LGR6: variants seen among roughly 807,000 people sequenced by gnomAD.
LGR6 encodes leucine-rich repeat-containing G protein-coupled receptor 6.
In LGR6, 45 loss-of-function variants were observed where a neutral mutation model predicts 69.4. The ratio of observed to expected loss-of-function variants is 0.65; its 90% CI spans 0.51 to 0.83. The LOEUF (loss-of-function observed/expected upper bound fraction) is 0.83, where lower values mean the gene tolerates loss of function less well. Among genes scored for constraint, LGR6 ranks in the 40% least tolerant of loss-of-function variants. The pLI is 0.00. For synonymous variants in LGR6, 538 were observed against 555.0 expected (o/e 0.97, Z 0.43); for missense variants, 1,108 against 1,246.7 (o/e 0.89, Z 1.68).
rs567166620 is a variant in LGR6, at chr1:202,273,104, G to A, written c.429-3202G>A. ...GCAGCTTACTAGTTGTGGGGCCTTG[G>A]GGGGCTTAATCTCTCTGTAAAATGG... On this transcript the variant is annotated intron_variant, in intron 4 of 17. Coordinates refer to ENST00000367278, the MANE Select transcript of LGR6 (RefSeq NM_001017403.2). Among the ~76,000 whole-genome samples, 17 of 152,312 alleles carry A rather than the reference G, an allele frequency of 1.1e-4. No individual in the cohort carries two copies. The East Asian group carries it at 3.3e-3, about 29-fold the overall frequency.
rs549222334 is a variant in LGR6 at position 202,283,252 on chromosome 1, C to T, written c.716+2400C>T. 6.6e-4 allele frequency among the ~76,000 whole-genome samples: 101 copies of T among 152,286 alleles called. 1 individual carries two copies. Among genetic ancestry groups the T allele is most frequent in the Middle Eastern group, 6.8e-3 (2 of 294 alleles). On this transcript the variant is annotated intron_variant, in intron 6 of 17. Transcript: ENST00000367278. ...TGCCCTTGAGGGGTGAGTTCTTCTTCCAACTTTTGATCTCCAATTAAAAAG... is the reference window on the plus strand; with the variant it reads ...TGCCCTTGAGGGGTGAGTTCTTCTTTCAACTTTTGATCTCCAATTAAAAAG...
chr1:202,286,615 G>A (rs959746067), intron 6 of LGR6, among the ~76,000 whole-genome samples: 1 of 152,106 alleles, frequency 6.6e-6, no homozygotes, highest in Admixed American at 6.5e-5. Flanking sequence ...TGCCTCTTGA[G>A]GCTAAGAATC....
intron 1 of LGR6, chr1:202,197,498 T>C (rs542355615): frequency 2.6e-5 from 14 of 532,318 alleles, no homozygotes; most frequent in South Asian, 8.4e-5. Context: ...TTCTCCCTGG[T>C]TAGGGCCTGT....
At chr1:202,208,591 C>A (rs2147910217) in intron 1 of LGR6, among the ~76,000 whole-genome samples, 1 of 152,080 alleles carries the variant, frequency 6.6e-6, no homozygotes, top group African/African-American at 2.4e-5. Context: ...CAAGGCCCCC[C>A]ATTAACTATG....
intron 1 of LGR6, among the ~76,000 whole-genome samples, chr1:202,205,465 C>CACACACCCTCCAA (rs1659162574): frequency 4.1e-4 from 6 of 14,788 alleles, no homozygotes; most frequent in East Asian, 5.4e-3. Context: ...CACCTCCAAA[C>CACACACCCTCCAA]ACACACACAC....
intron 6 of LGR6, among the ~76,000 whole-genome samples, chr1:202,285,788 C>T (rs1255240706): frequency 6.6e-6 from 1 of 152,172 alleles, no homozygotes; most frequent in Non-Finnish European, 1.5e-5. Flanking sequence ...GCTGCCATAA[C>T]AAATTATCAC....
chr1:202,222,540 C>A (rs538927848), intron 1 of LGR6, among the ~76,000 whole-genome samples: 1 of 152,236 alleles, frequency 6.6e-6, no homozygotes, highest in Non-Finnish European at 1.5e-5. Flanking sequence ...GCGTTCCTGT[C>A]GAGACACATC....
At chr1:202,229,573 G>GCCTCCTCTTTC (rs1306789821) in intron 3 of LGR6, among the ~76,000 whole-genome samples, 1 of 152,230 alleles carries the variant, frequency 6.6e-6, no homozygotes, top group Non-Finnish European at 1.5e-5. Flanking sequence ...TTAGAGATGA[G>GCCTCCTCTTTC]CCTCCTCTTT....
chr1:202,301,569 A>G (rs1667596996), intron 9 of LGR6, among the ~76,000 whole-genome samples: 1 of 152,168 alleles, frequency 6.6e-6, no homozygotes, highest in Non-Finnish European at 1.5e-5. Flanking sequence ...GGAGTTTTGA[A>G]TATGGTGGGT....
chr1:202,215,271 T>C (rs893820869), intron 1 of LGR6, among the ~76,000 whole-genome samples: 1 of 152,148 alleles, frequency 6.6e-6, no homozygotes, highest in Non-Finnish European at 1.5e-5. Flanking sequence ...TGACTTCACC[T>C]CCCCAATCCT....
intron 4 of LGR6, among the ~76,000 whole-genome samples, chr1:202,255,882 A>G (rs1663728174): frequency 6.6e-6 from 1 of 152,252 alleles, no homozygotes; most frequent in Non-Finnish European, 1.5e-5. Context: ...AATATTTAAC[A>G]ATTGAGATAT....
At chr1:202,240,933 A>G (rs548693001) in intron 4 of LGR6, among the ~76,000 whole-genome samples, 3 of 152,282 alleles carry the variant, frequency 2.0e-5, no homozygotes, top group African/African-American at 4.8e-5. Context: ...TTCTACGTAT[A>G]TTGTCTGATT....
At chr1:202,281,104 G>A in intron 6 of LGR6, 1 of 451,896 alleles carries the variant, frequency 2.2e-6, no homozygotes, top group Non-Finnish European at 3.9e-6. Flanking sequence ...AGGAACCTGG[G>A]ATCTCCCTGT....
intron 17 of LGR6, 144 bp downstream of exon 17, chr1:202,315,026 C>T (rs1318244472): frequency 3.1e-6 from 2 of 642,256 alleles, no homozygotes; most frequent in East Asian, 2.8e-5. Context: ...GCCCTCCTTT[C>T]GTAATTCCTG....
In LGR6 at chr1:202,318,826, T is replaced by G; in HGVS notation, c.2523T>G (p.Leu841=). 6.2e-7 allele frequency: 1 copy of G among 1,613,310 alleles called. No individual in the cohort carries two copies. The highest frequency in any genetic ancestry group is 8.5e-7 in the Non-Finnish European group (1 of 1,179,710). Residue 841 remains leucine (L), a synonymous_variant, in exon 18 of 18, where the codon CTT becomes CTG. Transcript: ENST00000367278. ...ACTTCCGGGATGACCTTCGGCGGCTTCGGCCCCGCGCAGGGGACTCAGGGC... is the reference window on the plus strand; with the variant it reads ...ACTTCCGGGATGACCTTCGGCGGCTGCGGCCCCGCGCAGGGGACTCAGGGC... ...NPHFRDDLRR[L]RPRAGDSGPL...
In LGR6 at chr1:202,207,461, C is replaced by T. The variant is rs531554134; in HGVS notation, c.212+13260C>T. Among the ~76,000 whole-genome samples, 13 of 152,236 alleles carry T rather than the reference C, an allele frequency of 8.5e-5. No individual in the cohort carries two copies. The South Asian group carries it at 2.7e-3, about 32-fold the overall frequency. On this transcript the variant is annotated intron_variant, in intron 1 of 17. Transcript: ENST00000367278. ...ATGGGGTGCATTGTGCTAGAGTGGGCACAGGGGGCACACCAGAGTCTCAGT... is the reference window on the plus strand; with the variant it reads ...ATGGGGTGCATTGTGCTAGAGTGGGTACAGGGGGCACACCAGAGTCTCAGT...
At chr1:202,286,950 G>C (rs1245024379) in intron 6 of LGR6, among the ~76,000 whole-genome samples, 1 of 152,072 alleles carries the variant, frequency 6.6e-6, no homozygotes, top group Non-Finnish European at 1.5e-5. Context: ...GCTGGCAATG[G>C]GGACAAAACT....
At chr1:202,258,484 T>C (rs1663964289) in intron 4 of LGR6, among the ~76,000 whole-genome samples, 1 of 152,022 alleles carries the variant, frequency 6.6e-6, no homozygotes, top group Non-Finnish European at 1.5e-5. Context: ...TGTATCTCAG[T>C]AATATTTTTA....
At chr1:202,198,668 GTTTTTTTTTTTTTTT>G (rs56275558) in intron 1 of LGR6, among the ~76,000 whole-genome samples, 4 of 127,674 alleles carry the variant, frequency 3.1e-5, no homozygotes, top group African/African-American at 1.2e-4. Context: ...GTAATTTTAG[GTTTTTTTTTTTTTTT>G]TTTTTTTTTT....
Sources: allele counts gnomAD v4.1 joint callset (sites outside exome capture counted in the v4.1 genomes callset), GRCh38; gene constraint gnomAD v4.1.1; transcripts MANE v1.5; gene names NCBI Gene and HGNC (gene_info 2026-07-23, HGNC 2026-07-21).